The following GZMM variants were observed in gnomAD, a reference collection of about 807,000 sequenced individuals.
GZMM encodes HU-Met-1.
A neutral mutation model predicts 19.2 loss-of-function variants in GZMM; 23 were observed. That is an observed-to-expected ratio of 1.20 (90% CI 0.86 to 1.69). The LOEUF is 1.69. Among genes scored for constraint, GZMM ranks in the 40% most tolerant of loss-of-function variants. The probability of loss-of-function intolerance (pLI) is 0.00; values close to 1 mark genes in which losing one functional copy is unlikely to be tolerated. For synonymous variants in GZMM, 178 were observed against 160.2 expected (o/e 1.11, Z -0.84); for missense variants, 373 against 352.2 (o/e 1.06, Z -0.47).
At chr19:548,778 C>G (rs1385297526) in intron 3 of GZMM, 101 bp downstream of exon 3, 14 of 754,976 alleles carry the variant, frequency 1.9e-5, no homozygotes, top group Admixed American at 2.5e-5. Context: ...CCTCCCCCCG[C>G]ACTGCTGCCC....
In GZMM at chr19:547,277, C is replaced by T; in HGVS notation, c.56-3C>T. ...CCTGGCTCTTTGTCCCCCATCCTGG[C>T]AGGCAGCTCCTTTGGGACCCAGATC... is the stretch of plus-strand genomic sequence containing the variant. On this transcript the variant is annotated splice_polypyrimidine_tract_variant and splice_region_variant and intron_variant, in intron 1 of 4. Coordinates refer to ENST00000264553, the MANE Select transcript of GZMM (RefSeq NM_005317.4). The T allele has an allele frequency of 6.6e-7, 1 of 1,504,976 alleles. No individual in the cohort carries two copies. Among genetic ancestry groups the T allele is most frequent in the Non-Finnish European group, 8.9e-7 (1 of 1,126,064 alleles). The allele number at this position is 1,504,976 out of a possible 1,614,324, so 93.2% of individuals were successfully genotyped here. A position where few individuals can be genotyped will look rare whatever the true frequency, so the allele number is the denominator to read the frequency against.
At chr19:547,884 G>T (rs541402307) in intron 2 of GZMM, among the ~76,000 whole-genome samples, 1 of 152,202 alleles carries the variant, frequency 6.6e-6, no homozygotes, top group African/African-American at 2.4e-5. Flanking sequence ...TCAGGAAGCC[G>T]CTAAATGACC....
chr19:544,339 C>T (rs1390785194), intron 1 of GZMM, among the ~76,000 whole-genome samples: 7 of 152,140 alleles, frequency 4.6e-5, no homozygotes, highest in East Asian at 3.9e-4. Context: ...TGGTGTCCAC[C>T]GGCTCACCTC....
chr19:547,482 C>T lies in GZMM; in HGVS notation c.212+46C>T, dbSNP rs770576095. 1.2e-5 allele frequency: 16 copies of T among 1,317,380 alleles called. No individual in the cohort carries two copies. In the Admixed American group the frequency reaches 1.5e-4, roughly 12 times the overall value. 81.6% of individuals were successfully genotyped at this position (1,317,380 alleles called of 1,614,324 possible). A position where few individuals can be genotyped will look rare whatever the true frequency, so the allele number is the denominator to read the frequency against. ...ACCCCAGGGGTCCGGGGAATCCATC[C>T]GACGGCGCCCATTCTCTGCAGGGGG... On this transcript the variant is annotated intron_variant, in intron 2 of 4. Coordinates refer to ENST00000264553, the MANE Select transcript of GZMM (RefSeq NM_005317.4).
Position 549,252 on chromosome 19 carries a change from C to T in GZMM, c.612+67C>T, listed in dbSNP as rs181219482. ...GGAGGGCCGGGGCCAGGGCAGCCGC[C>T]GGGCAGGTTCCTGGCTCTCCCGTTC... On this transcript the variant is annotated intron_variant, in intron 4 of 4. Transcript: ENST00000264553. 2,613 of 1,441,814 alleles carry T rather than the reference C, an allele frequency of 1.8e-3. 72 individuals carry two copies. In the Admixed American group the frequency reaches 0.042, roughly 23 times the overall value. 89.3% of individuals were successfully genotyped at this position (1,441,814 alleles called of 1,614,324 possible). A position where few individuals can be genotyped will look rare whatever the true frequency, so the allele number is the denominator to read the frequency against.
rs759233262 is a variant in GZMM at position 548,542 on chromosome 19, G to A, written c.213G>A (p.Arg71=). ...GCACCCTGATTCCCTCTGTCCCCAG[G>A]ATGGCCCAGCTGAGGCTGGTGCTGG... ...VLTAAHCLAQ[R]MAQLRLVLGL... Residue 71 remains arginine (R), a splice_region_variant and synonymous_variant, in exon 3 of 5, where the codon CGG becomes CGA. Coordinates refer to ENST00000264553, the MANE Select transcript of GZMM (RefSeq NM_005317.4). The A allele has an allele frequency of 1.9e-6, 3 of 1,613,156 alleles. No individual in the cohort carries two copies. The highest frequency in any genetic ancestry group is 2.5e-6 in the Non-Finnish European group (3 of 1,179,648).
chr19:547,194 TG>T, intron 1 of GZMM, 85 bp from the exon 2 acceptor site: 1 of 1,278,720 alleles, frequency 7.8e-7, no homozygotes. Context: ...CTTGGGGTCC[TG>T]GGCCTCTGAG....
chr19:547,313 G>A lies in GZMM; in HGVS notation c.89G>A (p.Arg30Gln), dbSNP rs143995851. 455 of 1,568,566 alleles carry A rather than the reference G, an allele frequency of 2.9e-4. No individual in the cohort carries two copies. Among genetic ancestry groups the A allele is most frequent in the Non-Finnish European group, 2.4e-4 (283 of 1,158,314 alleles). Residue 30 changes from arginine to glutamine, a missense_variant, in exon 2 of 5, where the codon CGG becomes CAG. By Grantham distance (43) the Arg-to-Gln change is conservative (BLOSUM62 1). Transcript: ENST00000264553. ...TTTGGGACCCAGATCATCGGGGGCC[G>A]GGAGGTGATCCCCCACTCGCGCCCG... ...SSFGTQIIGG[R>Q]EVIPHSRPYM...
rs541402307 is a variant in GZMM, at chr19:547,884, G to A, written c.212+448G>A. Among the ~76,000 whole-genome samples, 11 of 152,320 alleles carry A rather than the reference G, an allele frequency of 7.2e-5. No homozygotes were observed. The East Asian group carries it at 9.6e-4, about 13-fold the overall frequency. ...CCTGGTTCCCGGGGATCAGGAAGCCGCTAAATGACCCATCATGGAGTTGCC... is the reference window on the plus strand; with the variant it reads ...CCTGGTTCCCGGGGATCAGGAAGCCACTAAATGACCCATCATGGAGTTGCC... On this transcript the variant is annotated intron_variant, in intron 2 of 4. Coordinates refer to ENST00000264553, the MANE Select transcript of GZMM (RefSeq NM_005317.4).
chr19:545,878 C>T (rs368426078), intron 1 of GZMM, among the ~76,000 whole-genome samples: 6,553 of 143,834 alleles, frequency 0.046, 214 homozygotes, highest in Middle Eastern at 0.14. Context: ...CTCCTGACCT[C>T]GTGATCCACC....
rs371890199 is a variant in GZMM at position 549,784 on chromosome 19, C to T, written c.767C>T (p.Ser256Leu). The T allele has an allele frequency of 2.9e-5, 40 of 1,391,882 alleles. No individual in the cohort carries two copies. The highest frequency in any genetic ancestry group is 3.5e-5 in the Non-Finnish European group (36 of 1,040,126). 86.2% of individuals were successfully genotyped at this position (1,391,882 alleles called of 1,614,324 possible). A position where few individuals can be genotyped will look rare whatever the true frequency, so the allele number is the denominator to read the frequency against. Reference sequence around the variant, plus strand: ...TGGATCAGGAAGGTCACCGGCCGATCGGCCTGATGCCCTGGGGTGATGGGG... The same window carrying T: ...TGGATCAGGAAGGTCACCGGCCGATTGGCCTGATGCCCTGGGGTGATGGGG... Reference protein sequence around the residue: ...VSWIRKVTGRSA With the variant: ...VSWIRKVTGRLA Residue 256 changes from serine to leucine, a missense_variant, in exon 5 of 5, where the codon TCG becomes TTG. Physicochemically the swap from Ser to Leu is moderately radical, Grantham distance 145. Coordinates refer to ENST00000264553, the MANE Select transcript of GZMM (RefSeq NM_005317.4).
At chr19:546,384 C>T (rs1439930752) in intron 1 of GZMM, among the ~76,000 whole-genome samples, 1 of 151,258 alleles carries the variant, frequency 6.6e-6, no homozygotes, top group African/African-American at 2.4e-5. Flanking sequence ...ACTAAAAATA[C>T]AAAAAAATTA....
Position 544,080 on chromosome 19 carries a change from C to A in GZMM, c.9C>A (p.Ala3=). The change falls in exon 1 of 5, where the codon GCC becomes GCA. Residue 3 remains alanine, a synonymous_variant. Coordinates refer to ENST00000264553, the MANE Select transcript of GZMM (RefSeq NM_005317.4). ME[A]CVSSLLVLAL... ...TGGGTCTCCACAGCGGCATGGAGGC[C>A]TGCGTGTCTTCACTGCTGGTGCTGG... The A allele has an allele frequency of 6.5e-7, 1 of 1,548,722 alleles. No individual in the cohort carries two copies. The highest frequency in any genetic ancestry group is 1.2e-5 in the South Asian group (1 of 83,992).
At chr19:544,322 G>T (rs1206111745) in intron 1 of GZMM, among the ~76,000 whole-genome samples, 196 bp downstream of exon 1, 1 of 152,226 alleles carries the variant, frequency 6.6e-6, no homozygotes, top group African/African-American at 2.4e-5. Flanking sequence ...GGGACCGTGG[G>T]AGAGTGTGGT....
intron 1 of GZMM, among the ~76,000 whole-genome samples, chr19:545,440 T>C (rs1308668209): frequency 2.0e-5 from 3 of 151,668 alleles, no homozygotes; most frequent in East Asian, 1.9e-4. Flanking sequence ...CTCCGCCTCC[T>C]GGTTTCAAGC....
At chr19:546,375 C>A (rs754688769) in intron 1 of GZMM, among the ~76,000 whole-genome samples, 3 of 151,380 alleles carry the variant, frequency 2.0e-5, no homozygotes, top group Non-Finnish European at 4.4e-5. Flanking sequence ...CCTGTCGCTA[C>A]TAAAAATACA....
At position 547,404 on chromosome 19, in the gene GZMM, G is replaced by T. The variant is rs543874497; in HGVS notation, c.180G>T (p.Trp60Cys). The change falls in exon 2 of 5, where the codon TGG becomes TGT. Residue 60 changes from tryptophan to cysteine, a missense_variant. Trp to Cys is a radical substitution (Grantham distance 215). Transcript: ENST00000264553. ...LCGGVLVHPK[W>C]VLTAAHCLAQ... ...GGGGTGTCCTGGTGCACCCAAAGTG[G>T]GTGCTGACGGCTGCCCACTGCCTGG... 1 of 1,502,078 alleles carries T rather than the reference G, an allele frequency of 6.7e-7. No individual in the cohort carries two copies. Among genetic ancestry groups the T allele is most frequent in the Non-Finnish European group, 8.9e-7 (1 of 1,124,492 alleles). The allele number at this position is 1,502,078 out of a possible 1,614,324, so 93.0% of individuals were successfully genotyped here.
intron 3 of GZMM, 46 bp downstream of exon 3, chr19:548,723 C>A (rs753518085): frequency 1.9e-6 from 3 of 1,582,826 alleles, no homozygotes; most frequent in African/African-American, 1.4e-5. Context: ...TCCTGTCCCC[C>A]ACGGGTGCCC....
intron 2 of GZMM, 70 bp from the exon 3 acceptor site, chr19:548,472 G>T: frequency 1.3e-6 from 2 of 1,510,110 alleles, no homozygotes; most frequent in Non-Finnish European, 1.8e-6. Context: ...CACAGTGGGG[G>T]CCGGGACTGC....
Sources: gnomAD v4.1 joint callset for allele counts (sites outside exome capture counted in the v4.1 genomes callset) on GRCh38, gnomAD v4.1.1 for gene constraint, MANE v1.5 for transcripts, NCBI Gene and HGNC (gene_info 2026-07-23, HGNC 2026-07-21) for gene names.